Variants in FER observed in about 807,000 individuals in gnomAD.
FER encodes the protein tyrosine-protein kinase Fer.
A neutral mutation model predicts 111.0 loss-of-function variants in FER; 63 were observed. The observed-to-expected ratio is 0.57, with a 90% confidence interval of 0.46 to 0.70. The LOEUF (loss-of-function observed/expected upper bound fraction) is 0.70. FER is among the 30% of genes least tolerant of loss of function. FER has a pLI of 0.00. For missense variants in FER, 914 were observed against 954.0 expected (o/e 0.96, Z 0.55); for synonymous variants, 327 against 313.9 (o/e 1.04, Z -0.44).
intron 13 of FER, among the ~76,000 whole-genome samples, chr5:108,984,035 G>T (rs1394805629): frequency 4.0e-5 from 6 of 151,866 alleles, no homozygotes; most frequent in African/African-American, 1.2e-4. Context: ...AAACAGACAC[G>T]GTGCCTACTC....
chr5:108,796,857 C>T (rs1015981976), intron 2 of FER, among the ~76,000 whole-genome samples: 1 of 152,000 alleles, frequency 6.6e-6, no homozygotes, highest in Non-Finnish European at 1.5e-5. Flanking sequence ...GTGCTTGGTG[C>T]TCTACCCCAC....
At chr5:109,027,777 G>A (rs756947795) in intron 13 of FER, among the ~76,000 whole-genome samples, 1 of 152,176 alleles carries the variant, frequency 6.6e-6, no homozygotes. Context: ...CAAAGGAGAC[G>A]TTGCTTATTT....
chr5:108,919,189 C>T (rs928039233), intron 10 of FER, among the ~76,000 whole-genome samples: 1 of 151,066 alleles, frequency 6.6e-6, no homozygotes, highest in Non-Finnish European at 1.5e-5. Flanking sequence ...ACATTTTACT[C>T]ATTGATATCT....
At chr5:109,045,308 T>C (rs952506669) in intron 15 of FER, among the ~76,000 whole-genome samples, 2 of 151,246 alleles carry the variant, frequency 1.3e-5, no homozygotes, top group Admixed American at 6.6e-5. Context: ...ATTATATATA[T>C]ACATTATATA....
At chr5:108,982,352 C>G (rs1328356873) in intron 13 of FER, among the ~76,000 whole-genome samples, 1 of 152,058 alleles carries the variant, frequency 6.6e-6, no homozygotes, top group East Asian at 1.9e-4. Context: ...CACGTGCATT[C>G]TACCTTTGGT....
At chr5:108,970,320 A>G (rs906526626) in intron 13 of FER, among the ~76,000 whole-genome samples, 2 of 151,882 alleles carry the variant, frequency 1.3e-5, no homozygotes, top group African/African-American at 4.8e-5. Flanking sequence ...GGTTCACGCC[A>G]TTCTCCTGCC....
chr5:109,103,472 C>T lies in FER; in HGVS notation c.2048+2953C>T, dbSNP rs540875633. Among the ~76,000 whole-genome samples, 60 of 152,202 alleles carry T rather than the reference C, an allele frequency of 3.9e-4. 1 individual carries two copies. Among genetic ancestry groups the T allele is most frequent in the Non-Finnish European group, 7.2e-4 (49 of 67,974 alleles). On this transcript the variant is annotated intron_variant, in intron 17 of 19. Coordinates refer to ENST00000281092, the MANE Select transcript of FER (RefSeq NM_005246.4). ...ACAACTATAAAATGGAAAGAGGTTA[C>T]TGCATTAAGAAATGACCTGCATTTG...
At chr5:109,077,184 AC>A (rs1208242717) in intron 16 of FER, among the ~76,000 whole-genome samples, 3 of 152,232 alleles carry the variant, frequency 2.0e-5, no homozygotes, top group Non-Finnish European at 4.4e-5. Flanking sequence ...ATGTTGAGGC[AC>A]TGTGGGGCAA....
At chr5:108,926,891 A>G (rs11953198) in intron 10 of FER, among the ~76,000 whole-genome samples, 32,066 of 151,940 alleles carry the variant, frequency 0.21, 4,091 homozygotes, top group African/African-American at 0.37. Context: ...ACCACCATAA[A>G]GTACATACTG....
At chr5:109,119,600 A>C (rs1249259394) in intron 17 of FER, among the ~76,000 whole-genome samples, 1 of 152,068 alleles carries the variant, frequency 6.6e-6, no homozygotes, top group East Asian at 1.9e-4. Flanking sequence ...TCTGATGTTG[A>C]CAGTGGGGTG....
chr5:108,959,210 T>G lies in FER; in HGVS notation c.1534-15T>G. ...ATGTCTTCACATTTATTCTACCTTATTGTTCTCTCTCCAGAACATGTATCG... is the reference window on the plus strand; with the variant it reads ...ATGTCTTCACATTTATTCTACCTTAGTGTTCTCTCTCCAGAACATGTATCG... On this transcript the variant is annotated splice_polypyrimidine_tract_variant and intron_variant, in intron 12 of 19. Coordinates refer to ENST00000281092, the MANE Select transcript of FER (RefSeq NM_005246.4). 1 of 1,606,926 alleles carries G rather than the reference T, an allele frequency of 6.2e-7. No homozygotes were observed. The highest frequency in any genetic ancestry group is 8.5e-7 in the Non-Finnish European group (1 of 1,176,990).
intron 5 of FER, among the ~76,000 whole-genome samples, chr5:108,845,002 A>G (rs1199347500): frequency 0.019 from 248 of 13,258 alleles, 1 homozygote; most frequent in African/African-American, 0.052. Flanking sequence ...GTGTGTATAT[A>G]TATATATATA....
chr5:109,065,471 G>A (rs1774971981), intron 16 of FER, among the ~76,000 whole-genome samples: 1 of 152,220 alleles, frequency 6.6e-6, no homozygotes, highest in East Asian at 1.9e-4. Flanking sequence ...TTAATTGTAA[G>A]TTAGCCTCTG....
intron 17 of FER, among the ~76,000 whole-genome samples, chr5:109,107,009 C>T (rs1749014471): frequency 6.6e-6 from 1 of 152,014 alleles, no homozygotes; most frequent in South Asian, 2.1e-4. Flanking sequence ...TAAGGGCAGT[C>T]CATTGAGCAC....
rs562095456 is a variant in FER at position 109,124,395 on chromosome 5, A to G, written c.2048+23876A>G. Among the ~76,000 whole-genome samples the G allele has an allele frequency of 1.5e-4, 23 of 152,348 alleles. No homozygotes were observed. The South Asian group carries it at 1.7e-3, about 11-fold the overall frequency. ...CTTAGACTGTTGGTTCTTAAGGCTT[A>G]TGAACTCTTCGTGTACTTGTGAGAT... On this transcript the variant is annotated intron_variant, in intron 17 of 19. Transcript: ENST00000281092.
intron 2 of FER, among the ~76,000 whole-genome samples, chr5:108,775,843 G>A (rs547821531): frequency 6.6e-6 from 1 of 152,230 alleles, no homozygotes; most frequent in Non-Finnish European, 1.5e-5. Flanking sequence ...GTTCATTTCT[G>A]CGTTTAAGTG....
intron 5 of FER, among the ~76,000 whole-genome samples, chr5:108,864,018 A>G (rs1004236720): frequency 2.0e-5 from 3 of 152,198 alleles, no homozygotes; most frequent in Admixed American, 2.0e-4. Context: ...GGGGTTAGAG[A>G]TACTCAGGTG....
chr5:109,181,721 A>G (rs1197924830), intron 18 of FER, among the ~76,000 whole-genome samples: 1 of 152,214 alleles, frequency 6.6e-6, no homozygotes, highest in African/African-American at 2.4e-5. Context: ...TTTAATTCCC[A>G]AATTAGAGAA....
At chr5:108,983,269 T>C (rs886323320) in intron 13 of FER, among the ~76,000 whole-genome samples, 2 of 152,044 alleles carry the variant, frequency 1.3e-5, no homozygotes, top group African/African-American at 2.4e-5. Flanking sequence ...ACAAAACCAA[T>C]AGCATCTCTG....
Sources: allele counts gnomAD v4.1 joint callset (sites outside exome capture counted in the v4.1 genomes callset), GRCh38; gene constraint gnomAD v4.1.1; transcripts MANE v1.5; gene names NCBI Gene and HGNC (gene_info 2026-07-23, HGNC 2026-07-21).